VPS54: variants seen among roughly 807,000 people sequenced by gnomAD.
VPS54 encodes VPS54 subunit of GARP complex.
In VPS54, 45 loss-of-function variants were observed where a neutral mutation model predicts 121.5. The ratio of observed to expected loss-of-function variants is 0.37; its 90% CI spans 0.29 to 0.47. The LOEUF is 0.47. Among genes scored for constraint, VPS54 ranks in the 20% least tolerant of loss-of-function variants. The pLI is 0.99. For missense variants in VPS54, 1,090 were observed against 1,131.4 expected (o/e 0.96, Z 0.52); for synonymous variants, 371 against 385.8 (o/e 0.96, Z 0.45).
intron 5 of VPS54, among the ~76,000 whole-genome samples, chr2:63,967,191 GATTT>G (rs1335253682): frequency 1.9e-4 from 29 of 151,848 alleles, no homozygotes; most frequent in Admixed American, 1.9e-3. Context: ...TTTATTTACT[GATTT>G]ATTTTACCTA....
rs574248396 is a variant in VPS54 at position 64,018,590 on chromosome 2, GA to G, written c.-21+347del. On this transcript the variant is annotated intron_variant, in intron 1 of 22. Transcript: ENST00000272322. Reference sequence around the variant, plus strand: ...AGGACTAAGGGCCTGGCTGGAAAAAGAAAAGGAAAGTTTGGGGGCAGCGTCT... The same window carrying G: ...AGGACTAAGGGCCTGGCTGGAAAAAGAAAGGAAAGTTTGGGGGCAGCGTCT... Among the ~76,000 whole-genome samples the G allele has an allele frequency of 2.5e-3, 385 of 152,166 alleles. 1 individual carries two copies. The highest frequency in any genetic ancestry group is 2.8e-3 in the Non-Finnish European group (192 of 68,008).
chr2:64,009,683 G>T (rs901038061), intron 1 of VPS54, among the ~76,000 whole-genome samples: 61 of 151,900 alleles, frequency 4.0e-4, no homozygotes, highest in African/African-American at 1.5e-3. Flanking sequence ...CTGTAACGTG[G>T]GATAAATATA....
At chr2:64,007,649 G>T (rs1270015610) in intron 1 of VPS54, among the ~76,000 whole-genome samples, 1 of 152,130 alleles carries the variant, frequency 6.6e-6, no homozygotes, top group African/African-American at 2.4e-5. Context: ...TACATTACAG[G>T]AATGAATTAG....
chr2:63,993,376 G>C (rs993238033), intron 1 of VPS54, among the ~76,000 whole-genome samples: 1 of 152,124 alleles, frequency 6.6e-6, no homozygotes, highest in African/African-American at 2.4e-5. Context: ...ACTGGAATTC[G>C]TAAAGAATTC....
intron 12 of VPS54, among the ~76,000 whole-genome samples, chr2:63,922,685 T>G (rs7596262): frequency 0.78 from 118,250 of 152,094 alleles, 47,301 homozygotes; most frequent in African/African-American, 0.89. Flanking sequence ...TTCTAATCGA[T>G]TAAGCTTCCT....
At chr2:64,013,464 GA>G (rs1211120708) in intron 1 of VPS54, among the ~76,000 whole-genome samples, 2 of 151,618 alleles carry the variant, frequency 1.3e-5, no homozygotes, top group East Asian at 3.9e-4. Flanking sequence ...TTTGAGGGGG[GA>G]AAAAGCTATA....
intron 12 of VPS54, among the ~76,000 whole-genome samples, chr2:63,931,708 G>C (rs1674213224): frequency 6.6e-6 from 1 of 152,204 alleles, no homozygotes; most frequent in South Asian, 2.1e-4. Context: ...TATCATCAGA[G>C]TGAACAGGCA....
chr2:64,016,520 A>T (rs1678701971), intron 1 of VPS54, among the ~76,000 whole-genome samples: 1 of 152,164 alleles, frequency 6.6e-6, no homozygotes, highest in Non-Finnish European at 1.5e-5. Context: ...TAATGGATAA[A>T]GGTTTTTTGA....
intron 2 of VPS54, among the ~76,000 whole-genome samples, chr2:63,983,209 G>A (rs1050691458): frequency 6.1e-5 from 9 of 148,716 alleles, no homozygotes; most frequent in Non-Finnish European, 1.5e-5. Flanking sequence ...GGAGTGCACT[G>A]CAACCTCCAC....
chr2:63,944,730 G>A, intron 9 of VPS54, 75 bp from the exon 10 acceptor site: 1 of 1,336,994 alleles, frequency 7.5e-7, no homozygotes, highest in Non-Finnish European at 1.0e-6. Flanking sequence ...TGTTCCATTT[G>A]TACATTAAAA....
chr2:64,014,804 A>G (rs553840179), intron 1 of VPS54, among the ~76,000 whole-genome samples: 70 of 152,330 alleles, frequency 4.6e-4, no homozygotes, highest in African/African-American at 1.7e-3. Flanking sequence ...TATTTTATAG[A>G]TGAGAAAACT....
rs1301699356 is a variant in VPS54 at position 63,892,779 on chromosome 2, A to G, written c.*651T>C. The G allele has an allele frequency of 6.6e-6, 1 of 152,234 alleles. No homozygotes were observed. The highest frequency in any genetic ancestry group is 1.5e-5 in the Non-Finnish European group (1 of 67,998). The allele number at this position is 152,234 out of a possible 1,614,324, so 9.4% of individuals were successfully genotyped here. ...AAAAAAAGGCTTAAGTCTTTCAGGT[A>G]TTTAGAGAGCTCTGGAAGGCTTTAC... On this transcript the variant is annotated 3_prime_UTR_variant, in exon 23 of 23. Coordinates refer to ENST00000272322, the MANE Select transcript of VPS54 (RefSeq NM_016516.3).
intron 7 of VPS54, among the ~76,000 whole-genome samples, chr2:63,960,960 C>T (rs1294724036): frequency 1.3e-5 from 2 of 152,286 alleles, no homozygotes; most frequent in Admixed American, 6.5e-5. Context: ...AAGTTTGTGA[C>T]TCAGAACGTT....
In VPS54 at chr2:63,962,274, A is replaced by G; in HGVS notation, c.794T>C (p.Val265Ala). ...LRDKIAQIDK[V>A]MCEGSLHILR... is the part of the protein sequence containing the mutation. ...AATGTGGAGTGATCCTTCACACATT[A>G]CTTTATCAATCTGTGCAATTTTATC... The change falls in exon 7 of 23, where the codon GTA becomes GCA. Residue 265 changes from valine (V) to alanine (A), a missense_variant. Around this residue, in one of 2 missense-constraint regions of VPS54, gnomAD observed 801 missense variants for 757.0 expected, o/e 1.06. Coordinates refer to ENST00000272322, the MANE Select transcript of VPS54 (RefSeq NM_016516.3). 1 of 1,614,092 alleles carries G rather than the reference A, an allele frequency of 6.2e-7. No homozygotes were observed. The highest frequency in any genetic ancestry group is 1.1e-5 in the South Asian group (1 of 91,080).
At chr2:63,972,115 C>A in intron 4 of VPS54, 51 bp downstream of exon 4, 1 of 1,213,866 alleles carries the variant, frequency 8.2e-7, no homozygotes, top group Admixed American at 2.5e-5. Flanking sequence ...AGATTTTGTT[C>A]ACTAATATTT....
At chr2:63,957,394 AC>A (rs1675551394) in intron 7 of VPS54, among the ~76,000 whole-genome samples, 1 of 149,754 alleles carries the variant, frequency 6.7e-6, no homozygotes, top group Non-Finnish European at 1.5e-5. Context: ...GTGAGCCAAG[AC>A]TGCACCACTG....
intron 3 of VPS54, among the ~76,000 whole-genome samples, chr2:63,978,443 C>T (rs1676650009): frequency 6.6e-6 from 1 of 152,176 alleles, no homozygotes; most frequent in African/African-American, 2.4e-5. Flanking sequence ...AGAACCAGAC[C>T]TGTCTTCTAC....
intron 3 of VPS54, among the ~76,000 whole-genome samples, chr2:63,980,745 T>C (rs60044466): frequency 0.11 from 17,395 of 152,000 alleles, 1,952 homozygotes; most frequent in African/African-American, 0.29. Flanking sequence ...TTGATCAATA[T>C]ACAAATAGAA....
chr2:64,001,048 G>A (rs540147235), intron 1 of VPS54, among the ~76,000 whole-genome samples: 1 of 152,296 alleles, frequency 6.6e-6, no homozygotes, highest in South Asian at 2.1e-4. Flanking sequence ...AAGTCTACCT[G>A]GTGTTCTATT....
Sources: gnomAD v4.1 joint callset for allele counts (sites outside exome capture counted in the v4.1 genomes callset) on GRCh38, gnomAD v4.1.1 for gene constraint, gnomAD v4.1.1 regional missense constraint, MANE v1.5 for transcripts, NCBI Gene and HGNC (gene_info 2026-07-23, HGNC 2026-07-21) for gene names.